Variants in ESYT2 observed in about 807,000 individuals in gnomAD.
ESYT2 encodes extended synaptotagmin 2, also known as extended synaptotagmin-2.
A neutral mutation model predicts 107.2 loss-of-function variants in ESYT2; 54 were observed. The observed-to-expected ratio is 0.50, with a 90% CI of 0.40 to 0.63. ESYT2 has a LOEUF of 0.63. Among genes scored for constraint, ESYT2 ranks in the 30% least tolerant of loss-of-function variants. The pLI is 0.00. For synonymous variants in ESYT2, 491 were observed against 434.1 expected, an observed-to-expected ratio of 1.13 and a Z score of -1.63; for missense variants, 1,020 against 1,094.5, an observed-to-expected ratio of 0.93 and a Z score of 0.96.
intron 1 of ESYT2, among the ~76,000 whole-genome samples, chr7:158,822,362 G>A (rs548912580): frequency 2.0e-5 from 3 of 152,244 alleles, no homozygotes; most frequent in South Asian, 2.1e-4. Flanking sequence ...AATAACTCAC[G>A]GAAAAACAGA....
At chr7:158,765,202 C>A (rs1303895807) in intron 8 of ESYT2, among the ~76,000 whole-genome samples, 1 of 152,036 alleles carries the variant, frequency 6.6e-6, no homozygotes. Context: ...TGCAGAGGAC[C>A]CAGCACAGTA....
chr7:158,773,513 A>T, intron 6 of ESYT2, 117 bp from the exon 7 acceptor site: 1 of 908,248 alleles, frequency 1.1e-6, no homozygotes, highest in Non-Finnish European at 1.7e-6. Context: ...ACAGACCCAC[A>T]CCCTTCATCC....
At chr7:158,823,588 A>G (rs1391607822) in intron 1 of ESYT2, among the ~76,000 whole-genome samples, 1 of 152,112 alleles carries the variant, frequency 6.6e-6, no homozygotes, top group Non-Finnish European at 1.5e-5. Context: ...GGCCTCCCAA[A>G]GAGCAGAGAT....
At chr7:158,740,421 T>TTACAAGCATCAGCCCTGTGGTCCTTGTTA (rs1837149982) in intron 18 of ESYT2, among the ~76,000 whole-genome samples, 4 of 152,240 alleles carry the variant, frequency 2.6e-5, no homozygotes, top group African/African-American at 9.6e-5. Context: ...AGTGTCCTTA[T>TTACAAGCATCAGCCCTGTGGTCCTTGTTA]TACAAGCATC....
Position 158,749,637 on chromosome 7 carries a change from C to T in ESYT2, c.1557+12G>A, listed in dbSNP as rs200687967. On this transcript the variant is annotated intron_variant, in intron 15 of 22. Transcript: ENST00000275418. ...ACAGGCACCAAGGCTGAGTCCAGGG[C>T]GAGCACCTTACCTTGCTCTCCTGGG... 8.1e-6 allele frequency: 13 copies of T among 1,613,556 alleles called. No individual in the cohort carries two copies. Among genetic ancestry groups the T allele is most frequent in the African/African-American group, 6.7e-5 (5 of 75,008 alleles).
chr7:158,747,182 A>G (rs1417608033), intron 16 of ESYT2, among the ~76,000 whole-genome samples: 1 of 151,962 alleles, frequency 6.6e-6, no homozygotes, highest in African/African-American at 2.4e-5. Context: ...CCCCGTCTCC[A>G]CTAAAAATAC....
intron 1 of ESYT2, among the ~76,000 whole-genome samples, chr7:158,826,490 G>T (rs537336446): frequency 6.6e-6 from 1 of 151,576 alleles, no homozygotes; most frequent in East Asian, 1.9e-4. Context: ...AACTTGAAAA[G>T]AATCTTTGGC....
Position 158,773,391 on chromosome 7 carries a change from T to G in ESYT2, c.753A>C (p.Leu251Phe), listed in dbSNP as rs767932968. 5.6e-6 allele frequency: 9 copies of G among 1,614,062 alleles called. No individual in the cohort carries two copies. Among genetic ancestry groups the G allele is most frequent in the Non-Finnish European group, 7.6e-6 (9 of 1,180,036 alleles). Reference protein sequence around the residue: ...LSIFFLRKPLLEINWTGLTNL... With the variant: ...LSIFFLRKPLFEINWTGLTNL... ...TCGTCAGTCCTGTCCAGTTAATTTC[T>G]AAAAGCTGTTTTAAAACAAGGGCAA... The change falls in exon 7 of 23, where the codon TTA becomes TTC. Residue 251 changes from leucine (L) to phenylalanine (F), a missense_variant. Transcript: ENST00000275418.
rs1242335626 is a variant in ESYT2 at position 158,817,100 on chromosome 7, C to T, written c.330+11989G>A. ...TAAACCAAAAAGAAAATTCTAAGCT[C>T]CCAACTATCTGAACAGCTCCTCCTC... On this transcript the variant is annotated intron_variant, in intron 1 of 22. Coordinates refer to ENST00000275418, the MANE Select transcript of ESYT2 (RefSeq NM_001367773.1). Among the ~76,000 whole-genome samples, 4 of 152,244 alleles carry T rather than the reference C, an allele frequency of 2.6e-5. No homozygotes were observed. The East Asian group carries it at 7.7e-4, about 29-fold the overall frequency.
chr7:158,784,602 C>T (rs907489793), intron 6 of ESYT2, among the ~76,000 whole-genome samples: 2 of 152,198 alleles, frequency 1.3e-5, no homozygotes, highest in East Asian at 1.9e-4. Flanking sequence ...CGAAGGCTTT[C>T]GAATTCCTGG....
chr7:158,802,657 C>T (rs548155722), intron 1 of ESYT2, among the ~76,000 whole-genome samples: 6 of 152,266 alleles, frequency 3.9e-5, no homozygotes, highest in Non-Finnish European at 5.9e-5. Context: ...TTTTAAAATT[C>T]CATTAACATT....
Position 158,731,520 on chromosome 7 carries a change from T to C in ESYT2, c.*2687A>G, listed in dbSNP as rs543104201. ...TGGGGTTTCTCCATGTTGGCCAGGCTGGTCTTGAACTCCTGACCTCAGGTC... is the reference window on the plus strand; with the variant it reads ...TGGGGTTTCTCCATGTTGGCCAGGCCGGTCTTGAACTCCTGACCTCAGGTC... On this transcript the variant is annotated 3_prime_UTR_variant, in exon 23 of 23. Transcript: ENST00000275418. The C allele has an allele frequency of 6.6e-6, 1 of 152,496 alleles. No homozygotes were observed. The highest frequency in any genetic ancestry group is 1.5e-5 in the Non-Finnish European group (1 of 68,060). 9.4% of individuals were successfully genotyped at this position (152,496 alleles called of 1,614,324 possible).
rs1028730544 is a variant in ESYT2, at chr7:158,731,996, G to C, written c.*2211C>G. On this transcript the variant is annotated 3_prime_UTR_variant, in exon 23 of 23. Coordinates refer to ENST00000275418, the MANE Select transcript of ESYT2 (RefSeq NM_001367773.1). ...CACCTCCAGGCACTCAAGGCCCTGG[G>C]GACAGCGCTACTGACTCCACTGCCT... 1 of 152,140 alleles carries C rather than the reference G, an allele frequency of 6.6e-6. No homozygotes were observed. The highest frequency in any genetic ancestry group is 2.4e-5 in the African/African-American group (1 of 41,432). 9.4% of individuals were successfully genotyped at this position (152,140 alleles called of 1,614,324 possible).
At chr7:158,795,813 G>A (rs1390625135) in intron 3 of ESYT2, among the ~76,000 whole-genome samples, 3 of 152,164 alleles carry the variant, frequency 2.0e-5, no homozygotes, top group Non-Finnish European at 4.4e-5. Context: ...CTCGTCCTAC[G>A]GGCGTCCTGT....
At chr7:158,736,560 C>T (rs1374662672) in intron 20 of ESYT2, among the ~76,000 whole-genome samples, 1 of 152,098 alleles carries the variant, frequency 6.6e-6, no homozygotes, top group Non-Finnish European at 1.5e-5. Flanking sequence ...TGAGCCAGAC[C>T]ACTAAAGAGA....
In ESYT2 at chr7:158,828,925, T is replaced by G. The variant is rs530144927; in HGVS notation, c.330+164A>C. On this transcript the variant is annotated intron_variant, in intron 1 of 22. Transcript: ENST00000275418. ...CTCGCCCAGGCGGAAGGGAAGCGCC[T>G]GCCTGGACCGGGGTGGGTGGGGGAC... Among the ~76,000 whole-genome samples, 45 of 129,078 alleles carry G rather than the reference T, an allele frequency of 3.5e-4. 2 individuals are homozygous for G. The South Asian group carries it at 0.011, about 33-fold the overall frequency. The allele number at this position is 129,078 out of a possible 152,430, so 84.7% of individuals were successfully genotyped here. A position where few individuals can be genotyped will look rare whatever the true frequency, so the allele number is the denominator to read the frequency against.
At chr7:158,811,869 G>T (rs1840002608) in intron 1 of ESYT2, among the ~76,000 whole-genome samples, 1 of 152,188 alleles carries the variant, frequency 6.6e-6, no homozygotes, top group Admixed American at 6.5e-5. Context: ...GTGGGAAGAA[G>T]GGTACAGTCT....
chr7:158,759,360 G>T, intron 13 of ESYT2, 126 bp downstream of exon 13: 2 of 688,868 alleles, frequency 2.9e-6, no homozygotes, highest in East Asian at 2.6e-5. Flanking sequence ...TCCTGCACTT[G>T]GACGTGAAGT....
chr7:158,812,933 CAG>C (rs1268139423), intron 1 of ESYT2, among the ~76,000 whole-genome samples: 3 of 152,150 alleles, frequency 2.0e-5, no homozygotes, highest in African/African-American at 7.2e-5. Flanking sequence ...GGAGGGGAAA[CAG>C]GGTGTGACCA....
Sources: gnomAD v4.1 joint callset for allele counts (sites outside exome capture counted in the v4.1 genomes callset) on GRCh38, gnomAD v4.1.1 for gene constraint, MANE v1.5 for transcripts, NCBI Gene and HGNC (gene_info 2026-07-23, HGNC 2026-07-21) for gene names.